The following RABGAP1L variants were observed in gnomAD, a reference collection of about 807,000 sequenced individuals.
The protein encoded by RABGAP1L is RAB GTPase activating protein 1 like.
In RABGAP1L, 63 loss-of-function variants were observed where a neutral mutation model predicts 137.7. The observed-to-expected ratio is 0.46, with a 90% CI of 0.37 to 0.56. The LOEUF (loss-of-function observed/expected upper bound fraction) is 0.56. RABGAP1L is among the 20% of genes least tolerant of loss of function. The pLI is 0.00. For missense variants in RABGAP1L, 1,095 were observed against 1,244.0 expected (o/e 0.88, Z 1.80); for synonymous variants, 431 against 433.7 (o/e 0.99, Z 0.08).
intron 11 of RABGAP1L, among the ~76,000 whole-genome samples, chr1:174,311,877 G>T (rs1678889429): frequency 6.6e-6 from 1 of 152,208 alleles, no homozygotes; most frequent in South Asian, 2.1e-4. Flanking sequence ...AAAGTGCTGG[G>T]ATTACAGGCA....
chr1:174,322,683 T>G (rs1201980949), intron 11 of RABGAP1L, among the ~76,000 whole-genome samples: 1 of 152,150 alleles, frequency 6.6e-6, no homozygotes, highest in Non-Finnish European at 1.5e-5. Context: ...GTTAAGCCCT[T>G]ATTTACATTG....
At chr1:174,957,587 T>C in intron 20 of RABGAP1L, 38 bp downstream of exon 20, 1 of 1,536,634 alleles carries the variant, frequency 6.5e-7, no homozygotes, top group Non-Finnish European at 9.0e-7. Flanking sequence ...AGTACCTTCT[T>C]TTTTGTTTTA....
intron 13 of RABGAP1L, among the ~76,000 whole-genome samples, chr1:174,543,776 G>T (rs983578941): frequency 3.2e-4 from 48 of 152,246 alleles, no homozygotes; most frequent in African/African-American, 8.4e-4. Context: ...AGGAGCTCTT[G>T]TAAGGCAGGC....
chr1:174,878,895 T>C (rs905073565), intron 19 of RABGAP1L, among the ~76,000 whole-genome samples: 5 of 150,988 alleles, frequency 3.3e-5, no homozygotes, highest in Non-Finnish European at 7.4e-5. Flanking sequence ...AATAATGATA[T>C]TAAGAGAATT....
chr1:174,613,364 A>G (rs578223757), intron 13 of RABGAP1L, among the ~76,000 whole-genome samples: 2 of 151,994 alleles, frequency 1.3e-5, no homozygotes, highest in South Asian at 2.1e-4. Flanking sequence ...TAGTTGAGTG[A>G]TTTTGAGTGA....
At chr1:174,897,370 T>G (rs1365064814) in intron 19 of RABGAP1L, 1 of 152,238 alleles carries the variant, frequency 6.6e-6, no homozygotes, top group East Asian at 1.9e-4. Context: ...CTTTAATCTA[T>G]GTAGTAGTTG....
chr1:174,213,808 C>A (rs1360767564), intron 1 of RABGAP1L, among the ~76,000 whole-genome samples: 1 of 152,026 alleles, frequency 6.6e-6, no homozygotes, highest in Non-Finnish European at 1.5e-5. Context: ...TGATAAAAAC[C>A]CTTAAAGAAC....
chr1:174,635,433 G>A (rs115431176), intron 13 of RABGAP1L, among the ~76,000 whole-genome samples: 3,217 of 152,234 alleles, frequency 0.021, 53 homozygotes, highest in Middle Eastern at 0.085. Context: ...ACTTTGGTTT[G>A]CCTGGTTACC....
intron 18 of RABGAP1L, among the ~76,000 whole-genome samples, chr1:174,808,088 AT>A (rs1288616860): frequency 6.8e-6 from 1 of 148,094 alleles, no homozygotes; most frequent in Non-Finnish European, 1.5e-5. Context: ...GGTTCATGCC[AT>A]TCTCCTGCCT....
chr1:174,916,070 T>G (rs1038346280), intron 19 of RABGAP1L, among the ~76,000 whole-genome samples: 2 of 150,904 alleles, frequency 1.3e-5, no homozygotes, highest in Admixed American at 6.6e-5. Flanking sequence ...AATAAATTTT[T>G]CTTTAGTTTT....
chr1:174,461,837 T>G (rs927544544), intron 13 of RABGAP1L, among the ~76,000 whole-genome samples: 7 of 152,168 alleles, frequency 4.6e-5, no homozygotes, highest in African/African-American at 1.4e-4. Flanking sequence ...CTTCCAAAAT[T>G]GACATTCAGT....
chr1:174,863,242 A>AAAAAAG (rs1553267212), intron 19 of RABGAP1L, among the ~76,000 whole-genome samples: 15 of 129,006 alleles, frequency 1.2e-4, no homozygotes, highest in Non-Finnish European at 5.1e-5. Flanking sequence ...GCAAAAAAAA[A>AAAAAAG]AAAAAAGAAA....
intron 13 of RABGAP1L, among the ~76,000 whole-genome samples, chr1:174,619,221 A>G (rs980287788): frequency 6.6e-6 from 1 of 152,232 alleles, no homozygotes; most frequent in East Asian, 1.9e-4. Flanking sequence ...ACTCTGCAGG[A>G]TATTATCCAG....
intron 19 of RABGAP1L, among the ~76,000 whole-genome samples, chr1:174,936,898 G>T (rs892519980): frequency 2.7e-5 from 4 of 149,812 alleles, no homozygotes; most frequent in Non-Finnish European, 4.4e-5. Flanking sequence ...TGAAAAAATT[G>T]TCTTAGGACA....
intron 14 of RABGAP1L, among the ~76,000 whole-genome samples, chr1:174,655,973 A>G (rs1052805394): frequency 6.6e-6 from 1 of 152,250 alleles, no homozygotes; most frequent in African/African-American, 2.4e-5. Flanking sequence ...CAAAATATTA[A>G]GAAACCAAGA....
At chr1:174,907,285 T>C (rs375547979) in intron 19 of RABGAP1L, among the ~76,000 whole-genome samples, 13 of 152,300 alleles carry the variant, frequency 8.5e-5, no homozygotes, top group African/African-American at 2.4e-4. Context: ...CCTGTTTCTG[T>C]TCTTTTATTT....
Position 174,548,568 on chromosome 1 carries a change from T to C in RABGAP1L, c.1711-88807T>C. 3.1e-6 allele frequency: 3 copies of C among 975,202 alleles called. No individual in the cohort carries two copies. In the South Asian group the frequency reaches 1.4e-4, roughly 46 times the overall value. 60.4% of individuals were successfully genotyped at this position (975,202 alleles called of 1,614,324 possible). A position where few individuals can be genotyped will look rare whatever the true frequency, so the allele number is the denominator to read the frequency against. ...GTAAAATCACTATTTTTCATCTTTT[T>C]GTGAGATGTACTTTTTTCATACCCA... On this transcript the variant is annotated intron_variant, in intron 13 of 25. Transcript: ENST00000681986.
At chr1:174,546,663 T>C (rs1160686332) in intron 13 of RABGAP1L, among the ~76,000 whole-genome samples, 1 of 152,208 alleles carries the variant, frequency 6.6e-6, no homozygotes, top group Middle Eastern at 3.2e-3. Context: ...ACCATTAGAA[T>C]TGCTTTACAA....
intron 18 of RABGAP1L, among the ~76,000 whole-genome samples, chr1:174,807,234 A>G (rs1246259296): frequency 6.6e-6 from 1 of 152,232 alleles, no homozygotes; most frequent in Non-Finnish European, 1.5e-5. Flanking sequence ...GTCAGACCTT[A>G]TATTAGGCTT....
Sources: allele counts gnomAD v4.1 joint callset (sites outside exome capture counted in the v4.1 genomes callset), GRCh38; gene constraint gnomAD v4.1.1; transcripts MANE v1.5; gene names NCBI Gene and HGNC (gene_info 2026-07-23, HGNC 2026-07-21).